STXBP5L: variants seen among roughly 807,000 people sequenced by gnomAD.
STXBP5L encodes syntaxin-binding protein 5-like.
Under a neutral mutation model 144.5 loss-of-function variants are expected in STXBP5L, and 65 were observed. That is an observed-to-expected ratio of 0.45 (90% CI 0.37 to 0.55). STXBP5L has a LOEUF of 0.55. STXBP5L is among the 20% of genes least tolerant of loss of function. The probability of loss-of-function intolerance (pLI) is 0.00; values close to 1 mark genes in which losing one functional copy is unlikely to be tolerated. For missense variants in STXBP5L, 1,298 were observed against 1,405.5 expected (o/e 0.92, Z 1.22); for synonymous variants, 505 against 469.6 (o/e 1.08, Z -0.97).
chr3:121,318,372 T>C, intron 19 of STXBP5L, 103 bp from the exon 20 acceptor site: 1 of 670,798 alleles, frequency 1.5e-6, no homozygotes, highest in Non-Finnish European at 2.4e-6. Context: ...TAAAGTAGTT[T>C]TCACATAAAA....
chr3:121,173,432 A>G (rs1425148757), intron 9 of STXBP5L, among the ~76,000 whole-genome samples: 1 of 151,936 alleles, frequency 6.6e-6, no homozygotes, highest in South Asian at 2.1e-4. Context: ...TATTAAACTT[A>G]TCAGAGAACT....
chr3:121,002,642 T>A (rs974078007), intron 3 of STXBP5L, among the ~76,000 whole-genome samples: 1 of 152,186 alleles, frequency 6.6e-6, no homozygotes, highest in Admixed American at 6.6e-5. Flanking sequence ...TTACTATATT[T>A]TCTTTTAAGA....
intron 9 of STXBP5L, chr3:121,158,312 G>T (rs978232174): frequency 6.6e-6 from 1 of 152,036 alleles, no homozygotes; most frequent in African/African-American, 2.4e-5. Context: ...TTGATTATTT[G>T]TAATAATAGA....
intron 25 of STXBP5L, among the ~76,000 whole-genome samples, chr3:121,417,641 T>C (rs1185867283): frequency 6.6e-6 from 1 of 152,134 alleles, no homozygotes; most frequent in Non-Finnish European, 1.5e-5. Flanking sequence ...AATTTTGTAC[T>C]TTTGGTAGAG....
chr3:121,239,392 A>G (rs1407475972), intron 13 of STXBP5L, among the ~76,000 whole-genome samples: 1 of 150,450 alleles, frequency 6.6e-6, no homozygotes, highest in East Asian at 1.9e-4. Context: ...TATACTAAGT[A>G]TGTACTTATA....
chr3:121,108,667 G>C (rs1272079069), intron 5 of STXBP5L, among the ~76,000 whole-genome samples: 1 of 151,896 alleles, frequency 6.6e-6, no homozygotes, highest in Non-Finnish European at 1.5e-5. Flanking sequence ...ATATTGGCCT[G>C]AAGTTTCTTT....
chr3:121,206,054 C>A, intron 10 of STXBP5L, 53 bp downstream of exon 10: 3 of 1,067,546 alleles, frequency 2.8e-6, no homozygotes, highest in Non-Finnish European at 4.0e-6. Context: ...ACAAAAAATG[C>A]AGATGACCTT....
intron 22 of STXBP5L, among the ~76,000 whole-genome samples, chr3:121,400,276 C>T (rs1211881178): frequency 6.6e-6 from 1 of 152,186 alleles, no homozygotes; most frequent in Admixed American, 6.5e-5. Context: ...ATTCCACTTT[C>T]ACTTTCCACT....
At chr3:121,176,158 T>A (rs2046924556) in intron 9 of STXBP5L, among the ~76,000 whole-genome samples, 1 of 151,970 alleles carries the variant, frequency 6.6e-6, no homozygotes, top group African/African-American at 2.4e-5. Flanking sequence ...ATAGAACAAG[T>A]GGGCATGATA....
At chr3:121,079,582 A>G (rs924011957) in intron 5 of STXBP5L, among the ~76,000 whole-genome samples, 1 of 152,220 alleles carries the variant, frequency 6.6e-6, no homozygotes, top group Non-Finnish European at 1.5e-5. Context: ...CCTTCTTCAA[A>G]CCCAAAAATA....
At chr3:121,164,547 C>G (rs2108031778) in intron 9 of STXBP5L, among the ~76,000 whole-genome samples, 1 of 152,168 alleles carries the variant, frequency 6.6e-6, no homozygotes, top group Non-Finnish European at 1.5e-5. Context: ...TAGGTATATA[C>G]CCAAAGGAAA....
At chr3:121,053,977 G>A (rs112304940) in intron 5 of STXBP5L, among the ~76,000 whole-genome samples, 4 of 151,752 alleles carry the variant, frequency 2.6e-5, no homozygotes, top group East Asian at 1.9e-4. Context: ...GCAGCCAAAA[G>A]ACACATGAAA....
At chr3:121,087,871 A>T (rs1474476881) in intron 5 of STXBP5L, among the ~76,000 whole-genome samples, 1 of 152,078 alleles carries the variant, frequency 6.6e-6, no homozygotes, top group African/African-American at 2.4e-5. Context: ...ATTTTATTAT[A>T]TACAAACAAC....
chr3:121,094,387 T>G (rs1329531394), intron 5 of STXBP5L, among the ~76,000 whole-genome samples: 2 of 152,082 alleles, frequency 1.3e-5, no homozygotes, highest in African/African-American at 4.8e-5. Context: ...AAGTCTCCCA[T>G]TATTATTGTG....
chr3:121,085,001 G>A (rs906568877), intron 5 of STXBP5L, among the ~76,000 whole-genome samples: 2 of 149,380 alleles, frequency 1.3e-5, no homozygotes, highest in Non-Finnish European at 2.9e-5. Flanking sequence ...TTTGTCAACC[G>A]CATGTATGTC....
intron 2 of STXBP5L, among the ~76,000 whole-genome samples, chr3:120,914,427 A>G (rs557243235): frequency 6.6e-6 from 1 of 152,196 alleles, no homozygotes; most frequent in African/African-American, 2.4e-5. Context: ...GATTTATAAC[A>G]ATGATGCTCA....
chr3:121,254,789 C>T (rs939450980), intron 15 of STXBP5L, 106 bp from the exon 16 acceptor site: 5 of 955,404 alleles, frequency 5.2e-6, no homozygotes, highest in Non-Finnish European at 4.6e-6. Flanking sequence ...TTCACTTTGT[C>T]TACTTAGGTT....
At chr3:121,271,744 CTG>C (rs2050740091) in intron 18 of STXBP5L, among the ~76,000 whole-genome samples, 1 of 152,140 alleles carries the variant, frequency 6.6e-6, no homozygotes, top group Non-Finnish European at 1.5e-5. Context: ...TCAATTAAAA[CTG>C]TATTAGTCCA....
At chr3:121,291,699 T>C (rs1488751450) in intron 19 of STXBP5L, among the ~76,000 whole-genome samples, 2 of 152,024 alleles carry the variant, frequency 1.3e-5, no homozygotes, top group Non-Finnish European at 2.9e-5. Context: ...GGTACTGACA[T>C]AAAGATAGGC....
Sources: allele counts gnomAD v4.1 joint callset (sites outside exome capture counted in the v4.1 genomes callset), GRCh38; gene constraint gnomAD v4.1.1; transcripts MANE v1.5; gene names NCBI Gene and HGNC (gene_info 2026-07-23, HGNC 2026-07-21).